Variants in XRCC4 observed in about 807,000 individuals in gnomAD.
The protein encoded by XRCC4 is X-ray repair cross complementing 4.
A neutral mutation model predicts 39.1 loss-of-function variants in XRCC4; 28 were observed. That is an observed-to-expected ratio of 0.72 (90% confidence interval 0.53 to 0.98). The LOEUF (loss-of-function observed/expected upper bound fraction) is 0.98. XRCC4 is among the 50% of genes least tolerant of loss of function. XRCC4 has a pLI of 0.00. For synonymous variants in XRCC4, 123 were observed against 126.4 expected, an observed-to-expected ratio of 0.97 and a Z score of 0.18; for missense variants, 350 against 376.4, an observed-to-expected ratio of 0.93 and a Z score of 0.58.
intron 6 of XRCC4, among the ~76,000 whole-genome samples, chr5:83,223,106 A>C (rs550131281): frequency 6.8e-4 from 103 of 152,268 alleles, no homozygotes; most frequent in African/African-American, 2.4e-3. Flanking sequence ...CGTGTCATCT[A>C]TCCTGGAAGA....
At chr5:83,130,238 G>T (rs1415225009) in intron 3 of XRCC4, among the ~76,000 whole-genome samples, 3 of 152,096 alleles carry the variant, frequency 2.0e-5, no homozygotes, top group Non-Finnish European at 4.4e-5. Context: ...TGTGGTTTTT[G>T]TCTTTGGTTC....
intron 3 of XRCC4, among the ~76,000 whole-genome samples, chr5:83,127,999 A>G (rs1747359482): frequency 6.7e-6 from 1 of 148,434 alleles, no homozygotes; most frequent in South Asian, 2.1e-4. Context: ...TATTTTTATT[A>G]TACTTTAAGT....
chr5:83,123,936 G>T, intron 3 of XRCC4, among the ~76,000 whole-genome samples: 1 of 151,784 alleles, frequency 6.6e-6, no homozygotes. Context: ...TTTTCATTTT[G>T]AAATAACTTT....
Position 83,174,982 on chromosome 5 carries a change from G to A in XRCC4, c.316-20788G>A, listed in dbSNP as rs547861118. 1.4e-4 allele frequency among the ~76,000 whole-genome samples: 22 copies of A among 152,126 alleles called. No homozygotes were observed. In the East Asian group the frequency reaches 1.9e-3, roughly 13 times the overall value. On this transcript the variant is annotated intron_variant, in intron 3 of 7. Coordinates refer to ENST00000396027, the MANE Select transcript of XRCC4 (RefSeq NM_003401.5). Reference sequence around the variant, plus strand: ...TATAAAGCAGATAGTCTGATTAATCGTTCTATAATGTAGACTGCCTTGTTC... The same window carrying A: ...TATAAAGCAGATAGTCTGATTAATCATTCTATAATGTAGACTGCCTTGTTC...
chr5:83,344,894 C>T (rs918616714), intron 7 of XRCC4, among the ~76,000 whole-genome samples: 1 of 152,140 alleles, frequency 6.6e-6, no homozygotes, highest in African/African-American at 2.4e-5. Context: ...TCTAGTTATT[C>T]CACATCCTCC....
At chr5:83,139,486 G>T (rs1351722251) in intron 3 of XRCC4, among the ~76,000 whole-genome samples, 6 of 152,156 alleles carry the variant, frequency 3.9e-5, no homozygotes, top group African/African-American at 7.2e-5. Flanking sequence ...TATTTTAAGA[G>T]AATACAAGTA....
intron 3 of XRCC4, among the ~76,000 whole-genome samples, chr5:83,169,293 A>G (rs1749622120): frequency 6.6e-6 from 1 of 152,176 alleles, no homozygotes; most frequent in Non-Finnish European, 1.5e-5. Flanking sequence ...TACTAAATTT[A>G]AAGGAAGTAC....
intron 7 of XRCC4, among the ~76,000 whole-genome samples, chr5:83,285,553 T>A (rs1336906308): frequency 6.6e-6 from 1 of 152,128 alleles, no homozygotes; most frequent in Non-Finnish European, 1.5e-5. Context: ...TTATTTTATG[T>A]CTTGTTGTAA....
rs1323494532 is a variant in XRCC4 at position 83,235,351 on chromosome 5, AAAG to A, written c.746-23176_746-23174del. Among the ~76,000 whole-genome samples, 125 of 149,356 alleles carry A rather than the reference AAAG, an allele frequency of 8.4e-4. No individual in the cohort carries two copies. The Middle Eastern group carries it at 0.01, about 12-fold the overall frequency. On this transcript the variant is annotated intron_variant, in intron 6 of 7. Transcript: ENST00000396027. ...CCCTATCTCAAAAAAAAAAAAAAAA[AAAG>A]AAAGAAAGGAAAAAAAAAAGTACCA... is the stretch of plus-strand genomic sequence containing the variant.
chr5:83,258,407 T>G lies in XRCC4; in HGVS notation c.746-123T>G, dbSNP rs370769684. On this transcript the variant is annotated intron_variant, in intron 6 of 7. Coordinates refer to ENST00000396027, the MANE Select transcript of XRCC4 (RefSeq NM_003401.5). ...TGATTCAACAAATCTGCATAAAGAT[T>G]TGAAAGAATAGTTTTGCTATATTTT... 4.6e-5 allele frequency: 56 copies of G among 1,208,338 alleles called. 1 individual carries two copies. In the East Asian group the frequency reaches 7.8e-4, roughly 17 times the overall value. 74.9% of individuals were successfully genotyped at this position (1,208,338 alleles called of 1,614,324 possible). A position where few individuals can be genotyped will look rare whatever the true frequency, so the allele number is the denominator to read the frequency against.
chr5:83,268,078 C>T (rs1000270268), intron 7 of XRCC4, among the ~76,000 whole-genome samples: 2 of 152,070 alleles, frequency 1.3e-5, no homozygotes, highest in African/African-American at 2.4e-5. Context: ...GGAAAGTTTA[C>T]GGGTTGGCAG....
chr5:83,299,052 T>C (rs1755187781), intron 7 of XRCC4, among the ~76,000 whole-genome samples: 1 of 152,082 alleles, frequency 6.6e-6, no homozygotes, highest in African/African-American at 2.4e-5. Context: ...TTTAGCCTTA[T>C]TATCCTAGAT....
chr5:83,180,625 A>G (rs1359520546), intron 3 of XRCC4, among the ~76,000 whole-genome samples: 1 of 152,080 alleles, frequency 6.6e-6, no homozygotes, highest in African/African-American at 2.4e-5. Context: ...TTTTTTTATT[A>G]TTGTACATTA....
intron 6 of XRCC4, among the ~76,000 whole-genome samples, chr5:83,207,348 A>G (rs566447798): frequency 6.6e-6 from 1 of 152,190 alleles, no homozygotes; most frequent in South Asian, 2.1e-4. Context: ...CAATTTGGCA[A>G]AATTCTCCTT....
chr5:83,322,054 G>C (rs1442342725), intron 7 of XRCC4, among the ~76,000 whole-genome samples: 2 of 151,216 alleles, frequency 1.3e-5, no homozygotes, highest in African/African-American at 4.9e-5. Flanking sequence ...AATTGGAAAA[G>C]TAATGAGCTT....
At chr5:83,085,018 G>T (rs1326839464) in intron 1 of XRCC4, among the ~76,000 whole-genome samples, 2 of 152,106 alleles carry the variant, frequency 1.3e-5, no homozygotes, top group Non-Finnish European at 2.9e-5. Flanking sequence ...TTACCTGGAG[G>T]ACATTGTATC....
At chr5:83,199,980 A>G (rs922539905) in intron 4 of XRCC4, among the ~76,000 whole-genome samples, 1 of 152,012 alleles carries the variant, frequency 6.6e-6, no homozygotes, top group African/African-American at 2.4e-5. Context: ...CTAGTTGTAC[A>G]TGGGCTTTTT....
intron 7 of XRCC4, among the ~76,000 whole-genome samples, chr5:83,289,097 T>C (rs1339677871): frequency 6.6e-6 from 1 of 151,924 alleles, no homozygotes; most frequent in Non-Finnish European, 1.5e-5. Flanking sequence ...TACAGTGCTT[T>C]TGATTTCTAG....
At chr5:83,330,042 G>A (rs1426467336) in intron 7 of XRCC4, among the ~76,000 whole-genome samples, 2 of 152,014 alleles carry the variant, frequency 1.3e-5, no homozygotes, top group African/African-American at 4.8e-5. Context: ...GAAGTAACAC[G>A]GGCATCATAT....
Sources: gnomAD v4.1 joint callset for allele counts (sites outside exome capture counted in the v4.1 genomes callset) on GRCh38, gnomAD v4.1.1 for gene constraint, MANE v1.5 for transcripts, NCBI Gene and HGNC (gene_info 2026-07-23, HGNC 2026-07-21) for gene names.